ITK: variants seen among roughly 807,000 people sequenced by gnomAD.
ITK encodes tyrosine-protein kinase ITK/TSK.
In ITK, 45 loss-of-function variants were observed where a neutral mutation model predicts 87.6. The ratio of observed to expected loss-of-function variants is 0.51; its 90% CI spans 0.40 to 0.66. The LOEUF is 0.66. ITK is among the 30% of genes least tolerant of loss of function. ITK has a pLI of 0.00. For missense variants in ITK, 605 were observed against 766.3 expected (o/e 0.79, Z 2.48); for synonymous variants, 303 against 273.6 (o/e 1.11, Z -1.06).
At position 157,254,108 on chromosome 5, in the gene ITK, C is replaced by T. The variant is rs537180833; in HGVS notation, c.*1430C>T. 8.8e-6 allele frequency: 2 copies of T among 228,226 alleles called. No homozygotes were observed. The highest frequency in any genetic ancestry group is 3.7e-4 in the South Asian group (2 of 5,476). 14.1% of individuals were successfully genotyped at this position (228,226 alleles called of 1,614,324 possible). ...ACAGATTCTTTATTCCTATTCGACA[C>T]TGGCTTCTACTGAAAATGAAACGGA... On this transcript the variant is annotated 3_prime_UTR_variant, in exon 17 of 17. Coordinates refer to ENST00000422843, the MANE Select transcript of ITK (RefSeq NM_005546.4).
intron 5 of ITK, among the ~76,000 whole-genome samples, chr5:157,221,138 T>A (rs1355332908): frequency 6.6e-6 from 1 of 152,024 alleles, no homozygotes; most frequent in Non-Finnish European, 1.5e-5. Flanking sequence ...ATATAAATAT[T>A]GGGACATGAC....
intron 16 of ITK, among the ~76,000 whole-genome samples, chr5:157,250,523 GTT>G (rs35837721): frequency 1.4e-5 from 2 of 144,188 alleles, no homozygotes. Context: ...GTGGGGTTTT[GTT>G]TTTTTTTTTG....
chr5:157,219,781 C>G (rs1333675658), intron 5 of ITK, among the ~76,000 whole-genome samples: 1 of 152,226 alleles, frequency 6.6e-6, no homozygotes. Flanking sequence ...GTTCCCTCAA[C>G]AGTCCCGCCT....
At position 157,254,052 on chromosome 5, in the gene ITK, A is replaced by G; in HGVS notation, c.*1374A>G. The G allele has an allele frequency of 4.4e-6, 1 of 226,198 alleles. No homozygotes were observed. The highest frequency in any genetic ancestry group is 8.8e-6 in the Non-Finnish European group (1 of 113,670). The allele number at this position is 226,198 out of a possible 1,614,324, so 14.0% of individuals were successfully genotyped here. ...TGGAACTAGAAAGTCTAGAGCTGGT[A>G]TTCTAGCCCAAATCTGTCTGACCGC... On this transcript the variant is annotated 3_prime_UTR_variant, in exon 17 of 17. Coordinates refer to ENST00000422843, the MANE Select transcript of ITK (RefSeq NM_005546.4).
chr5:157,228,708 C>T (rs30112), intron 7 of ITK, among the ~76,000 whole-genome samples: 26,803 of 149,596 alleles, frequency 0.18, 3,002 homozygotes, highest in Non-Finnish European at 0.25. Context: ...GATCTCGGCT[C>T]ATCGCAACCT....
chr5:157,199,389 A>T (rs1376366358), intron 1 of ITK: 1 of 152,194 alleles, frequency 6.6e-6, no homozygotes, highest in Non-Finnish European at 1.5e-5. Context: ...GCAGCAAAAG[A>T]GCCAATGTTG....
rs1580869283 is a variant in ITK at position 157,181,059 on chromosome 5, G to T, written c.82G>T (p.Val28Phe). The change falls in exon 1 of 17, where the codon GTC becomes TTC. Residue 28 changes from valine to phenylalanine, a missense_variant. Around this residue, in one of 3 missense-constraint regions of ITK, gnomAD observed 464 missense variants for 578.0 expected, o/e 0.80. Coordinates refer to ENST00000422843, the MANE Select transcript of ITK (RefSeq NM_005546.4). ...AAGAACTTCTCCCTCGAACTTTAAA[G>T]TCCGCTTCTTTGTGTTAACCAAAGC... ...KRRTSPSNFKVRFFVLTKASL... is the reference protein window; with the variant it reads ...KRRTSPSNFKFRFFVLTKASL... 3 of 1,614,082 alleles carry T rather than the reference G, an allele frequency of 1.9e-6. No homozygotes were observed. Among genetic ancestry groups the T allele is most frequent in the Non-Finnish European group, 1.7e-6 (2 of 1,179,916 alleles).
intron 7 of ITK, among the ~76,000 whole-genome samples, chr5:157,230,077 T>C (rs966035909): frequency 9.8e-5 from 15 of 152,362 alleles, no homozygotes; most frequent in African/African-American, 2.6e-4. Flanking sequence ...AATAGTGTTA[T>C]GTAGATCTTA....
At chr5:157,198,536 GACAGGT>G (rs1292912455) in intron 1 of ITK, among the ~76,000 whole-genome samples, 1 of 152,148 alleles carries the variant, frequency 6.6e-6, no homozygotes, top group African/African-American at 2.4e-5. Context: ...GAGAAACGAA[GACAGGT>G]GTGGGATGGA....
At chr5:157,183,459 T>C (rs192901194) in intron 1 of ITK, among the ~76,000 whole-genome samples, 26 of 152,340 alleles carry the variant, frequency 1.7e-4, no homozygotes, top group African/African-American at 6.3e-4. Context: ...ATATCAGATA[T>C]TAGAAGTTTC....
At chr5:157,241,759 A>T (rs1225947586) in intron 11 of ITK, 39 bp downstream of exon 11, 1 of 1,507,322 alleles carries the variant, frequency 6.6e-7, no homozygotes, top group East Asian at 2.3e-5. Flanking sequence ...CATGTCCCTA[A>T]AGGTCTGGGG....
chr5:157,245,358 A>T (rs1755000750), intron 13 of ITK: 2 of 383,274 alleles, frequency 5.2e-6, no homozygotes, highest in South Asian at 4.4e-5. Context: ...AGGATTAACA[A>T]CATCAAAACA....
intron 1 of ITK, among the ~76,000 whole-genome samples, chr5:157,204,950 A>T (rs1374911381): frequency 2.0e-5 from 3 of 152,172 alleles, no homozygotes; most frequent in Non-Finnish European, 4.4e-5. Flanking sequence ...TAAATCAAAG[A>T]TCAGCTTCCG....
At chr5:157,236,756 T>C (rs1172912234) in intron 8 of ITK, among the ~76,000 whole-genome samples, 1 of 152,122 alleles carries the variant, frequency 6.6e-6, no homozygotes, top group Non-Finnish European at 1.5e-5. Context: ...TAAAATGGTA[T>C]GTCCATTTAT....
intron 1 of ITK, among the ~76,000 whole-genome samples, chr5:157,184,569 C>T (rs1342724507): frequency 6.6e-6 from 1 of 152,100 alleles, no homozygotes; most frequent in African/African-American, 2.4e-5. Flanking sequence ...AAGAGGCAGC[C>T]TAAATGGGAA....
At chr5:157,207,660 G>A (rs139054784) in intron 1 of ITK, among the ~76,000 whole-genome samples, 1,958 of 152,094 alleles carry the variant, frequency 0.013, 33 homozygotes, top group African/African-American at 0.043. Flanking sequence ...GATTACAGGC[G>A]TGAGCCACCA....
chr5:157,241,550 G>A (rs149212473), intron 10 of ITK, 96 bp from the exon 11 acceptor site: 237 of 855,426 alleles, frequency 2.8e-4, no homozygotes, highest in African/African-American at 1.5e-3. Flanking sequence ...TAGCTTTTGC[G>A]TCTGATGATG....
chr5:157,216,649 A>T (rs925810584), intron 4 of ITK, among the ~76,000 whole-genome samples: 14 of 152,068 alleles, frequency 9.2e-5, no homozygotes, highest in African/African-American at 3.4e-4. Flanking sequence ...AAGGAAGGGA[A>T]AAGCAAGGCC....
In ITK at chr5:157,240,206, G is replaced by C; in HGVS notation, c.985+11G>C. On this transcript the variant is annotated intron_variant, in intron 10 of 16. Coordinates refer to ENST00000422843, the MANE Select transcript of ITK (RefSeq NM_005546.4). ...AACATAATGGAGGAGGTAAGCTCTA[G>C]AGCAGGGGTGGACCCGGGCCGCCCA... 6.2e-7 allele frequency: 1 copy of C among 1,614,074 alleles called. No homozygotes were observed. Among genetic ancestry groups the C allele is most frequent in the Non-Finnish European group, 8.5e-7 (1 of 1,179,954 alleles).
Sources: allele counts gnomAD v4.1 joint callset (sites outside exome capture counted in the v4.1 genomes callset), GRCh38; gene constraint gnomAD v4.1.1; regional missense constraint gnomAD v4.1.1; transcripts MANE v1.5; gene names NCBI Gene and HGNC (gene_info 2026-07-23, HGNC 2026-07-21).